The following ZNF347 variants were observed in gnomAD, a reference collection of about 807,000 sequenced individuals.
ZNF347 encodes CTD-2620I22.7.
In ZNF347, 19 loss-of-function variants were observed where a neutral mutation model predicts 12.9. That is an observed-to-expected ratio of 1.47 (90% confidence interval 1.03 to 2.16). The LOEUF (loss-of-function observed/expected upper bound fraction) is 2.16, where lower values mean the gene tolerates loss of function less well. ZNF347 is among the 30% of genes most tolerant of loss of function. ZNF347 has a pLI of 0.00. For synonymous variants in ZNF347, 328 were observed against 340.6 expected, an observed-to-expected ratio of 0.96 and a Z score of 0.41; for missense variants, 1,005 against 990.6, an observed-to-expected ratio of 1.01 and a Z score of -0.19.
chr19:53,149,307 C>T lies in ZNF347; in HGVS notation c.76G>A (p.Asp26Asn), dbSNP rs780542412. ...CTGTACAAAGTCCTCTGAGCGGGGT[C>T]CAGGCATGTCCACTCCTCCTGAGAG... Reference protein sequence around the residue: ...EFSQEEWTCLDPAQRTLYRDV... With the variant: ...EFSQEEWTCLNPAQRTLYRDV... Residue 26 changes from aspartate (D) to asparagine (N), a missense_variant, in exon 3 of 5, where the codon GAC becomes AAC. By Grantham distance (23) the Asp-to-Asn change is conservative. Transcript: ENST00000334197. 63 of 1,613,894 alleles carry T rather than the reference C, an allele frequency of 3.9e-5. No homozygotes were observed. The highest frequency in any genetic ancestry group is 5.1e-5 in the Non-Finnish European group (60 of 1,179,980).
intron 2 of ZNF347, chr19:53,149,575 G>T: frequency 1.0e-6 from 1 of 953,430 alleles, no homozygotes; most frequent in Non-Finnish European, 1.4e-6. Context: ...GTAAGCTAAT[G>T]AGATGACTGG....
At position 53,139,811 on chromosome 19, in the gene ZNF347, C is replaced by T. The variant is rs2090408139; in HGVS notation, c.*497G>A. On this transcript the variant is annotated 3_prime_UTR_variant, in exon 5 of 5. Coordinates refer to ENST00000334197, the MANE Select transcript of ZNF347 (RefSeq NM_032584.3). ...AGGCCTGAATAAAGCCTCTGTCACACACAGTACATTTATGTGATTTCTCAT... is the reference window on the plus strand; with the variant it reads ...AGGCCTGAATAAAGCCTCTGTCACATACAGTACATTTATGTGATTTCTCAT... The T allele has an allele frequency of 6.4e-6, 1 of 155,748 alleles. No homozygotes were observed. Among genetic ancestry groups the T allele is most frequent in the Non-Finnish European group, 1.4e-5 (1 of 70,236 alleles). The allele number at this position is 155,748 out of a possible 1,614,324, so 9.6% of individuals were successfully genotyped here.
In ZNF347 at chr19:53,141,419, GA is replaced by G. The variant is rs1331469033; in HGVS notation, c.1408del (p.Ser470HisfsTer8). ...AATTAGCTGATGCCTTGCAAGGTGT[GA>G]ATTACGCCTAAAGACCTTGCCGCAT... is the stretch of plus-strand genomic sequence containing the variant. ...HECGKVFRRN[S>X]HLARHQLIHT... On this transcript the variant is annotated frameshift_variant, in exon 5 of 5. Transcript: ENST00000334197. LOFTEE classifies it low-confidence loss of function (END_TRUNC). 3.7e-6 allele frequency: 6 copies of G among 1,613,788 alleles called. No individual in the cohort carries two copies. Among genetic ancestry groups the G allele is most frequent in the Non-Finnish European group, 5.1e-6 (6 of 1,179,938 alleles).
rs34037433 is a variant in ZNF347, at chr19:53,156,045, C to CGGGG, written c.-46-2256_-46-2253dup. ...GGGGACTCCCAGGGGACTCCCAGCT[C>CGGGG]GGGGGGGGGGGGGGGTTAGGCGGGG... On this transcript the variant is annotated intron_variant, in intron 1 of 4. Transcript: ENST00000334197. 3.3e-3 allele frequency among the ~76,000 whole-genome samples: 56 copies of CGGGG among 17,040 alleles called. 1 individual carries two copies. The highest frequency in any genetic ancestry group is 0.011 in the African/African-American group (48 of 4,384). 11.2% of individuals were successfully genotyped at this position (17,040 alleles called of 152,430 possible). A position where few individuals can be genotyped will look rare whatever the true frequency, so the allele number is the denominator to read the frequency against.
chr19:53,143,132 T>C (rs73601463), intron 4 of ZNF347, among the ~76,000 whole-genome samples: 1,863 of 152,248 alleles, frequency 0.012, 33 homozygotes, highest in African/African-American at 0.042. Context: ...GGAACGAACA[T>C]GCACAGAGGT....
intron 4 of ZNF347, among the ~76,000 whole-genome samples, chr19:53,143,816 A>G (rs1028988691): frequency 6.6e-6 from 1 of 152,112 alleles, no homozygotes; most frequent in East Asian, 1.9e-4. Flanking sequence ...GACTTCCACA[A>G]TGGTTGAACT....
chr19:53,143,055 T>C (rs537303616), intron 4 of ZNF347, among the ~76,000 whole-genome samples: 1 of 152,286 alleles, frequency 6.6e-6, no homozygotes, highest in South Asian at 2.1e-4. Flanking sequence ...GCACAACAGT[T>C]TGTTAAGTGA....
intron 2 of ZNF347, among the ~76,000 whole-genome samples, chr19:53,152,925 G>A (rs1291769077): frequency 3.3e-5 from 5 of 151,976 alleles, no homozygotes; most frequent in African/African-American, 9.7e-5. Flanking sequence ...GCAAGACTCC[G>A]TCTCAAAAAA....
intron 4 of ZNF347, among the ~76,000 whole-genome samples, chr19:53,144,586 T>C (rs2090450931): frequency 2.0e-5 from 3 of 152,126 alleles, no homozygotes; most frequent in South Asian, 4.1e-4. Context: ...AGTTAAAATA[T>C]ACTGCAGACT....
rs988010458 is a variant in ZNF347 at position 53,149,109 on chromosome 19, G to A, written c.142+132C>T. The stretch of plus-strand genomic sequence containing the variant: ...AATTAAAATCCAGTTTCCACATTAT[G>A]GAGATTTTCATTTTTCAGTCAACAC... On this transcript the variant is annotated intron_variant, in intron 3 of 4. Coordinates refer to ENST00000334197, the MANE Select transcript of ZNF347 (RefSeq NM_032584.3). 6 of 1,521,504 alleles carry A rather than the reference G, an allele frequency of 3.9e-6. No individual in the cohort carries two copies. In the African/African-American group the frequency reaches 5.6e-5, roughly 14 times the overall value. The allele number at this position is 1,521,504 out of a possible 1,614,324, so 94.3% of individuals were successfully genotyped here. A position where few individuals can be genotyped will look rare whatever the true frequency, so the allele number is the denominator to read the frequency against.
chr19:53,146,537 A>G (rs1007778755), intron 4 of ZNF347, among the ~76,000 whole-genome samples: 1 of 152,084 alleles, frequency 6.6e-6, no homozygotes, highest in Non-Finnish European at 1.5e-5. Flanking sequence ...CAGTCTCCCA[A>G]GTTCCTGGGA....
intron 1 of ZNF347, 100 bp from the exon 2 acceptor site, chr19:53,153,893 A>G: frequency 1.5e-6 from 1 of 658,836 alleles, no homozygotes; most frequent in Non-Finnish European, 2.5e-6. Flanking sequence ...TGCCACAATC[A>G]CACACACACA....
chr19:53,146,407 T>A (rs1401350906), intron 4 of ZNF347, among the ~76,000 whole-genome samples: 1 of 152,092 alleles, frequency 6.6e-6, no homozygotes, highest in South Asian at 2.1e-4. Context: ...CCCAAGTAGC[T>A]GGGACTACAG....
At chr19:53,151,767 T>C (rs12974598) in intron 2 of ZNF347, among the ~76,000 whole-genome samples, 17,504 of 152,046 alleles carry the variant, frequency 0.12, 1,131 homozygotes, top group African/African-American at 0.15. Context: ...AAGATACAAT[T>C]TGAATTGCTA....
At chr19:53,149,422 C>A (rs1253294031) in intron 2 of ZNF347, 55 bp from the exon 3 acceptor site, 1 of 1,608,958 alleles carries the variant, frequency 6.2e-7, no homozygotes, top group Non-Finnish European at 8.5e-7. Context: ...CCAATCTTCA[C>A]ATAAAATGAG....
At position 53,140,526 on chromosome 19, in the gene ZNF347, T is replaced by C. The variant is rs1176198446; in HGVS notation, c.2302A>G (p.Asn768Asp). The C allele has an allele frequency of 6.2e-7, 1 of 1,613,796 alleles. No homozygotes were observed. Among genetic ancestry groups the C allele is most frequent in the African/African-American group, 1.3e-5 (1 of 74,924 alleles). The change falls in exon 5 of 5, where the codon AAT becomes GAT. Residue 768 changes from asparagine to aspartate, a missense_variant. Asn to Asp is a conservative substitution (Grantham distance 23, BLOSUM62 1). Coordinates refer to ENST00000334197, the MANE Select transcript of ZNF347 (RefSeq NM_032584.3). Reference protein sequence around the residue: ...IHTGEKPYKCNECGKAFSQTS... With the variant: ...IHTGEKPYKCDECGKAFSQTS... The stretch of plus-strand genomic sequence containing the variant: ...TGACTAAAGGCTTTGCCACACTCAT[T>C]ACACTTGTAAGGTTTCTCTCCAGTA...
Position 53,141,802 on chromosome 19 carries a change from C to T in ZNF347, c.1026G>A (p.Glu342=). The T allele has an allele frequency of 6.2e-7, 1 of 1,613,976 alleles. No individual in the cohort carries two copies. Among genetic ancestry groups the T allele is most frequent in the Non-Finnish European group, 8.5e-7 (1 of 1,179,974 alleles). The change falls in exon 5 of 5, where the codon GAG becomes GAA. Residue 342 remains glutamate (E), a synonymous_variant. Transcript: ENST00000334197. ...LSQHQKIHTG[E]KPYKCNECGK... is the part of the protein sequence containing the mutation. Reference sequence around the variant, plus strand: ...CACATTCGTTACATTTATAAGGTTTCTCTCCAGTGTGAATTTTCTGATGTT... The same window carrying T: ...CACATTCGTTACATTTATAAGGTTTTTCTCCAGTGTGAATTTTCTGATGTT...
In ZNF347 at chr19:53,142,165, T is replaced by G. The variant is rs1599852864; in HGVS notation, c.663A>C (p.Ser221=). The change falls in exon 5 of 5, where the codon TCA becomes TCC. Residue 221 remains serine (S), a synonymous_variant. Coordinates refer to ENST00000334197, the MANE Select transcript of ZNF347 (RefSeq NM_032584.3). The part of the protein sequence containing the change: ...EKSFNNNSSV[S]PPQQMPYNVK... ...CATTATAAGGCATTTGTTGAGGTGG[T>G]GAAACTGAGGAATTATTGTTGAAAG... 2 of 1,614,018 alleles carry G rather than the reference T, an allele frequency of 1.2e-6. No homozygotes were observed. Among genetic ancestry groups the G allele is most frequent in the South Asian group, 1.1e-5 (1 of 91,020 alleles).
At chr19:53,156,885 G>C (rs535555675) in intron 1 of ZNF347, among the ~76,000 whole-genome samples, 15 of 152,270 alleles carry the variant, frequency 9.9e-5, no homozygotes, top group Middle Eastern at 3.4e-3. Context: ...TAAACTATAC[G>C]ACACTCAGTT....
Sources: allele counts gnomAD v4.1 joint callset (sites outside exome capture counted in the v4.1 genomes callset), GRCh38; gene constraint gnomAD v4.1.1; transcripts MANE v1.5; gene names NCBI Gene and HGNC (gene_info 2026-07-23, HGNC 2026-07-21).